Variants in SH2B1 observed in about 807,000 individuals in gnomAD.
SH2B1 encodes SH2B adapter protein 1.
Under a neutral mutation model 62.6 loss-of-function variants are expected in SH2B1, and 15 were observed. That is an observed-to-expected ratio of 0.24 (90% CI 0.16 to 0.37). The LOEUF (loss-of-function observed/expected upper bound fraction) is 0.37. SH2B1 is among the 10% of genes least tolerant of loss of function. SH2B1 has a pLI of 1.00. For missense variants in SH2B1, 925 were observed against 1,015.6 expected (o/e 0.91, Z 1.21); for synonymous variants, 443 against 438.0 (o/e 1.01, Z -0.14).
chr16:28,872,939 G>A lies in SH2B1; in HGVS notation c.1897+234G>A. The A allele has an allele frequency of 9.2e-6, 6 of 653,282 alleles. No homozygotes were observed. Among genetic ancestry groups the A allele is most frequent in the Non-Finnish European group, 1.6e-5 (6 of 377,222 alleles). The allele number at this position is 653,282 out of a possible 1,614,324, so 40.5% of individuals were successfully genotyped here. A position where few individuals can be genotyped will look rare whatever the true frequency, so the allele number is the denominator to read the frequency against. Reference sequence around the variant, plus strand: ...AGCCGGGGCGGCAGCTGAGAGGTGGGCGGGCGCATCCCCATTCCATCGGAT... The same window carrying A: ...AGCCGGGGCGGCAGCTGAGAGGTGGACGGGCGCATCCCCATTCCATCGGAT... On this transcript the variant is annotated intron_variant, in intron 7 of 7. Transcript: ENST00000684370. The surrounding 1 kb of genome is among the most constrained non-coding windows in gnomAD (Gnocchi z 5.3).
At position 28,865,155 on chromosome 16, in the gene SH2B1, C is replaced by G. The variant is rs988838854; in HGVS notation, c.-940C>G. On this transcript the variant is annotated 5_prime_UTR_variant, in exon 1 of 8. Transcript: ENST00000684370. ...AAAAATCCTAGGGCCCCAGCTCTCC[C>G]TGTGATGTTTTGTTTACGTGAGGCC... The G allele has an allele frequency of 4.1e-6, 4 of 985,484 alleles. No homozygotes were observed. The highest frequency in any genetic ancestry group is 3.5e-5 in the African/African-American group (2 of 57,228). The allele number at this position is 985,484 out of a possible 1,614,324, so 61.0% of individuals were successfully genotyped here. A position where few individuals can be genotyped will look rare whatever the true frequency, so the allele number is the denominator to read the frequency against.
chr16:28,873,542 GA>G lies in SH2B1; in HGVS notation c.1995del (p.Val666TrpfsTer43). ...GGCAGAAGAGGCGTCGAGGGCGCCA[GA>G]AGTGGCGGCAGCAGCAGCCGCAGCA... The part of the protein sequence containing the change: ...PGAEEASRAP[E>X]VAAAAAAAAK... On this transcript the variant is annotated frameshift_variant, in exon 8 of 8. Coordinates refer to ENST00000684370, the MANE Select transcript of SH2B1 (RefSeq NM_001387430.1). LOFTEE classifies it high-confidence loss of function. This position sits in a 1 kb window ranked among gnomAD's most constrained non-coding sequence, Gnocchi z 4.2. 1 of 1,605,316 alleles carries G rather than the reference GA, an allele frequency of 6.2e-7. No homozygotes were observed. The highest frequency in any genetic ancestry group is 8.5e-7 in the Non-Finnish European group (1 of 1,176,452).
At chr16:28,852,219 T>C (rs1477960868) in intron 1 of SH2B1, among the ~76,000 whole-genome samples, 1 of 67,490 alleles carries the variant, frequency 1.5e-5, no homozygotes, top group Non-Finnish European at 2.4e-5. Context: ...TATATATATT[T>C]ACATATATAT....
chr16:28,851,122 C>T lies in SH2B1; in HGVS notation c.-301+4295C>T, dbSNP rs1256981806. Among the ~76,000 whole-genome samples the T allele has an allele frequency of 5.8e-4, 85 of 145,328 alleles. 1 individual carries two copies. Among genetic ancestry groups the T allele is most frequent in the Non-Finnish European group, 1.0e-3 (69 of 66,760 alleles). Reference sequence around the variant, plus strand: ...CTGGGAGGTGGAGGTTGCAGTGTGCCGAGATTGCGCCACTGCACTCCAGCC... The same window carrying T: ...CTGGGAGGTGGAGGTTGCAGTGTGCTGAGATTGCGCCACTGCACTCCAGCC... On this transcript the variant is annotated intron_variant, in intron 1 of 10. Transcript: ENST00000322610.
In SH2B1 at chr16:28,864,581, C is replaced by T; in HGVS notation, c.-1514C>T. ...AGGGGAGGGTTCACCGACTTACAGC[C>T]TGGCTGTAGGTTTGAACAGGAGTCT... On this transcript the variant is annotated 5_prime_UTR_variant, in exon 1 of 8. Transcript: ENST00000684370. The T allele has an allele frequency of 3.0e-6, 3 of 985,604 alleles. No individual in the cohort carries two copies. Among genetic ancestry groups the T allele is most frequent in the South Asian group, 4.7e-5 (1 of 21,278 alleles). 61.1% of individuals were successfully genotyped at this position (985,604 alleles called of 1,614,324 possible).
Position 28,863,847 on chromosome 16 carries a change from C to G in SH2B1, c.-2248C>G. On this transcript the variant is annotated 5_prime_UTR_variant, in exon 1 of 8. Coordinates refer to ENST00000684370, the MANE Select transcript of SH2B1 (RefSeq NM_001387430.1). The stretch of plus-strand genomic sequence containing the variant: ...GGGGGTCCTGACGCCTGCGCGGAAC[C>G]GGGCTGGGCGCTCGTCGCGTAGTGG... 1 of 1,528,102 alleles carries G rather than the reference C, an allele frequency of 6.5e-7. No homozygotes were observed. The highest frequency in any genetic ancestry group is 1.2e-5 in the South Asian group (1 of 83,756). The allele number at this position is 1,528,102 out of a possible 1,614,324, so 94.7% of individuals were successfully genotyped here.
Position 28,874,010 on chromosome 16 carries a change from G to T in SH2B1, c.*190G>T. On this transcript the variant is annotated 3_prime_UTR_variant, in exon 8 of 8. Coordinates refer to ENST00000684370, the MANE Select transcript of SH2B1 (RefSeq NM_001387430.1). ...ACACACTACAGGTCCCCTCCCCAGG[G>T]CAGGGGATTTGGGCTCCATGAGCTC... is the stretch of plus-strand genomic sequence containing the variant. The T allele has an allele frequency of 4.1e-6, 2 of 482,268 alleles. No homozygotes were observed. Among genetic ancestry groups the T allele is most frequent in the Non-Finnish European group, 6.6e-6 (2 of 302,390 alleles). 29.9% of individuals were successfully genotyped at this position (482,268 alleles called of 1,614,324 possible).
upstream of SH2B1, chr16:28,863,738 G>A: frequency 6.5e-7 from 1 of 1,535,784 alleles, no homozygotes; most frequent in Non-Finnish European, 8.7e-7. Context: ...TCGGCGCCGA[G>A]TGGGAGGATG....
In SH2B1 at chr16:28,852,756, ATG is replaced by A. The variant is rs1173508538; in HGVS notation, c.-301+5931_-301+5932del. Among the ~76,000 whole-genome samples, 6 of 32,104 alleles carry A rather than the reference ATG, an allele frequency of 1.9e-4. 1 individual carries two copies. Among genetic ancestry groups the A allele is most frequent in the Non-Finnish European group, 2.3e-4 (4 of 17,328 alleles). The allele number at this position is 32,104 out of a possible 152,430, so 21.1% of individuals were successfully genotyped here. ...TATACATATATATATTTACATATAT[ATG>A]TATATATATATTTATATATATATTT... On this transcript the variant is annotated intron_variant, in intron 1 of 10. Transcript: ENST00000322610.
upstream of SH2B1, chr16:28,863,611 G>A (rs1287751512): frequency 2.6e-5 from 37 of 1,431,248 alleles, no homozygotes; most frequent in Non-Finnish European, 3.4e-5. Context: ...TTTCCTCCGG[G>A]AGGACGCTCT....
Position 28,855,763 on chromosome 16 carries a change from C to T in SH2B1, c.-300-5855C>T, listed in dbSNP as rs537660255. On this transcript the variant is annotated intron_variant, in intron 1 of 10. Coordinates refer to the SH2B1 transcript ENST00000322610. ...CATGCCATTCTCCTGCCTCCGCCTC[C>T]GGAGTAGCTGGGACTACAGGCGCCC... Among the ~76,000 whole-genome samples the T allele has an allele frequency of 2.6e-3, 387 of 150,156 alleles. 1 individual carries two copies. Among genetic ancestry groups the T allele is most frequent in the African/African-American group, 9.1e-3 (374 of 41,116 alleles).
At position 28,873,368 on chromosome 16, in the gene SH2B1, G is replaced by C; in HGVS notation, c.1898-79G>C. ...TGTGGGGAGACAGCCACGCTCCTGG[G>C]GGGCTGAGTGAAGGGGAGGCCACGG... On this transcript the variant is annotated intron_variant, in intron 7 of 7. Coordinates refer to ENST00000684370, the MANE Select transcript of SH2B1 (RefSeq NM_001387430.1). The surrounding 1 kb of genome is among the most constrained non-coding windows in gnomAD (Gnocchi z 4.2). 5.7e-6 allele frequency: 9 copies of C among 1,582,952 alleles called. No homozygotes were observed. In the Admixed American group the frequency reaches 1.5e-4, roughly 26 times the overall value.
chr16:28,858,679 C>G (rs1286518134), intron 1 of SH2B1, among the ~76,000 whole-genome samples: 1 of 152,104 alleles, frequency 6.6e-6, no homozygotes, highest in Non-Finnish European at 1.5e-5. Flanking sequence ...GTGGCTCACA[C>G]TTGTAATCCC....
chr16:28,869,450 G>T, intron 4 of SH2B1, 67 bp downstream of exon 4: 1 of 1,443,162 alleles, frequency 6.9e-7, no homozygotes, highest in South Asian at 1.3e-5. Flanking sequence ...GCTGTCAGGC[G>T]CCATGCCCTC....
intron 1 of SH2B1, among the ~76,000 whole-genome samples, chr16:28,848,362 C>G (rs760131301): frequency 6.6e-6 from 1 of 151,916 alleles, no homozygotes; most frequent in Non-Finnish European, 1.5e-5. Context: ...TGTTTGCACC[C>G]GGGAGGCGGA....
chr16:28,866,933 G>A lies in SH2B1; in HGVS notation c.839G>A (p.Gly280Glu), dbSNP rs772063932. The change falls in exon 1 of 8, where the codon GGG becomes GAG. Residue 280 changes from glycine (G) to glutamate (E), a missense_variant. Gly to Glu is a moderately conservative substitution (Grantham distance 98). Coordinates refer to ENST00000684370, the MANE Select transcript of SH2B1 (RefSeq NM_001387430.1). This position sits in a 1 kb window ranked among gnomAD's most constrained non-coding sequence, Gnocchi z 6.3. ...RGGGVAGPPS[G>E]GGGQPQWQKC... ...GGAGGGGTGGCTGGGCCTCCTTCAG[G>A]GGGAGGAGGGCAGCCTCAGTGGCAG... 27 of 1,610,668 alleles carry A rather than the reference G, an allele frequency of 1.7e-5. No individual in the cohort carries two copies. Among genetic ancestry groups the A allele is most frequent in the Non-Finnish European group, 2.2e-5 (26 of 1,179,908 alleles).
At position 28,864,329 on chromosome 16, in the gene SH2B1, G is replaced by C; in HGVS notation, c.-1766G>C. The C allele has an allele frequency of 3.0e-6, 3 of 994,312 alleles. No individual in the cohort carries two copies. Among genetic ancestry groups the C allele is most frequent in the Non-Finnish European group, 3.6e-6 (3 of 835,206 alleles). The allele number at this position is 994,312 out of a possible 1,614,324, so 61.6% of individuals were successfully genotyped here. On this transcript the variant is annotated 5_prime_UTR_variant, in exon 1 of 8. Coordinates refer to ENST00000684370, the MANE Select transcript of SH2B1 (RefSeq NM_001387430.1). ...AAGAGAAACTGAGTCACCAGCTTAG[G>C]AGTCGCAGGGTCAGCGGGCCTGAAG...
chr16:28,871,874 T>G lies in SH2B1; in HGVS notation c.1404T>G (p.Leu468=). Residue 468 remains leucine, a synonymous_variant, in exon 5 of 8, where the codon CTT becomes CTG. Transcript: ENST00000684370. ...AASHFDSMEL[L]PPELPPRIPI... is the part of the protein sequence containing the mutation. ...CCCATTTTGACTCGATGGAACTGCT[T>G]CCCCCAGAGTTGCCCCCCCGCATCC... The G allele has an allele frequency of 6.4e-7, 1 of 1,563,902 alleles. No individual in the cohort carries two copies. Among genetic ancestry groups the G allele is most frequent in the Non-Finnish European group, 8.8e-7 (1 of 1,136,938 alleles).
At position 28,873,732 on chromosome 16, in the gene SH2B1, T is replaced by C. The variant is rs1963181585; in HGVS notation, c.2183T>C (p.Met728Thr). The change falls in exon 8 of 8, where the codon ATG becomes ACG. Residue 728 changes from methionine to threonine, a missense_variant. By Grantham distance (81) the Met-to-Thr change is moderately conservative (BLOSUM62 -1). Coordinates refer to ENST00000684370, the MANE Select transcript of SH2B1 (RefSeq NM_001387430.1). The surrounding 1 kb of genome is among the most constrained non-coding windows in gnomAD (Gnocchi z 4.2). ...GSGGDAGVPP[M>T]VQLQQSPLGG... ...GGTGGGGACGCGGGGGTGCCCCCAA[T>C]GGTGCAGCTGCAGCAGTCACCACTA... 1 of 1,488,874 alleles carries C rather than the reference T, an allele frequency of 6.7e-7. No individual in the cohort carries two copies. Among genetic ancestry groups the C allele is most frequent in the South Asian group, 1.4e-5 (1 of 73,864 alleles). 92.2% of individuals were successfully genotyped at this position (1,488,874 alleles called of 1,614,324 possible). A position where few individuals can be genotyped will look rare whatever the true frequency, so the allele number is the denominator to read the frequency against.
Sources: gnomAD v4.1 joint callset for allele counts (sites outside exome capture counted in the v4.1 genomes callset) on GRCh38, gnomAD v4.1.1 for gene constraint, Gnocchi (gnomAD v3.1) non-coding constraint, MANE v1.5 for transcripts, NCBI Gene and HGNC (gene_info 2026-07-23, HGNC 2026-07-21) for gene names.